PRSS23: variants seen among roughly 807,000 people sequenced by gnomAD.
The protein encoded by PRSS23 is protease, serine 23.
Under a neutral mutation model 34.7 loss-of-function variants are expected in PRSS23, and 25 were observed. The observed-to-expected ratio is 0.72, with a 90% CI of 0.53 to 1.01. PRSS23 has a LOEUF of 1.01. Ranked by LOEUF, PRSS23 falls within the 50% of genes least tolerant of loss-of-function variation. The pLI is 0.00. For synonymous variants in PRSS23, 176 were observed against 186.6 expected (o/e 0.94, Z 0.46); for missense variants, 445 against 475.6 (o/e 0.94, Z 0.60).
chr11:86,858,708 C>A (rs1948590863), intron 2 of PRSS23, among the ~76,000 whole-genome samples: 1 of 151,274 alleles, frequency 6.6e-6, no homozygotes, highest in African/African-American at 2.4e-5. Flanking sequence ...CTCCCAATAT[C>A]ACAGGGGGTG....
intron 2 of PRSS23, among the ~76,000 whole-genome samples, chr11:86,861,842 G>A (rs116948560): frequency 0.026 from 4,010 of 152,048 alleles, 69 homozygotes; most frequent in Middle Eastern, 0.048. Flanking sequence ...ATCCAGAGTG[G>A]GAGAGGATGA....
chr11:86,924,075 C>T (rs1949064199), intron 2 of PRSS23, among the ~76,000 whole-genome samples: 1 of 152,132 alleles, frequency 6.6e-6, no homozygotes, highest in African/African-American at 2.4e-5. Context: ...TGTAGGGAGG[C>T]TTCTAAGGAG....
chr11:86,871,381 G>C, intron 2 of PRSS23, among the ~76,000 whole-genome samples: 1 of 152,162 alleles, frequency 6.6e-6, no homozygotes, highest in South Asian at 2.1e-4. Flanking sequence ...CAGCTCACCA[G>C]GAACTCTTCT....
chr11:86,832,719 A>G, intron 2 of PRSS23: 1 of 310,784 alleles, frequency 3.2e-6, no homozygotes, highest in Admixed American at 4.0e-5. Flanking sequence ...CAAACAACTG[A>G]CAGGGGAGAC....
chr11:86,888,775 A>G (rs1188219687), intron 2 of PRSS23, among the ~76,000 whole-genome samples: 1 of 152,238 alleles, frequency 6.6e-6, no homozygotes, highest in African/African-American at 2.4e-5. Flanking sequence ...GGGTGTTTGA[A>G]ACTGAGAAGG....
At chr11:86,799,133 G>T (rs560929928), upstream of PRSS23, among the ~76,000 whole-genome samples, 51 of 152,266 alleles carry the variant, frequency 3.3e-4, no homozygotes, top group African/African-American at 1.2e-3. Flanking sequence ...TGACTCACGC[G>T]TGTAATACTT....
At chr11:86,830,572 C>T (rs140885142) in intron 2 of PRSS23, among the ~76,000 whole-genome samples, 9,801 of 152,250 alleles carry the variant, frequency 0.064, 445 homozygotes, top group Non-Finnish European at 0.092. Flanking sequence ...AGAAATCACC[C>T]ATCTTCTGTG....
At chr11:86,879,354 C>A (rs1203349947) in intron 2 of PRSS23, among the ~76,000 whole-genome samples, 1 of 150,932 alleles carries the variant, frequency 6.6e-6, no homozygotes, top group Non-Finnish European at 1.5e-5. Context: ...TGGCAACCGC[C>A]CCATATGAGA....
chr11:86,819,332 ATTATTAAT>A (rs1948236674), intron 1 of PRSS23, among the ~76,000 whole-genome samples: 1 of 152,238 alleles, frequency 6.6e-6, no homozygotes, highest in Admixed American at 6.5e-5. Context: ...TGCAAGATGC[ATTATTAAT>A]TCAAAACTTT....
upstream of PRSS23, chr11:86,800,422 A>G: frequency 1.4e-5 from 14 of 979,394 alleles, 1 homozygote; most frequent in Non-Finnish European, 1.7e-5. Flanking sequence ...GGCACGGTTT[A>G]TGTGCAGTGG....
chr11:86,879,603 C>A (rs1948755776), intron 2 of PRSS23, among the ~76,000 whole-genome samples: 1 of 139,218 alleles, frequency 7.2e-6, no homozygotes, highest in Non-Finnish European at 1.6e-5. Flanking sequence ...AGGGGCGCCT[C>A]TGCCCGGCCG....
At chr11:86,939,426 A>ATATATATATATATATATATATTTTTTT in intron 2 of PRSS23, among the ~76,000 whole-genome samples, 1 of 94,076 alleles carries the variant, frequency 1.1e-5, no homozygotes, top group East Asian at 3.0e-4. Context: ...ATATATATAT[A>ATATATATATATATATATATATTTTTTT]TTTTTTAACA....
At chr11:86,844,917 C>G (rs898701779) in intron 2 of PRSS23, among the ~76,000 whole-genome samples, 1 of 152,022 alleles carries the variant, frequency 6.6e-6, no homozygotes, top group African/African-American at 2.4e-5. Context: ...TGGAGAAACC[C>G]CATCTCTATT....
intron 2 of PRSS23, among the ~76,000 whole-genome samples, chr11:86,914,960 G>T (rs1441500416): frequency 6.6e-6 from 1 of 152,240 alleles, no homozygotes; most frequent in African/African-American, 2.4e-5. Context: ...GCTTTAGTGA[G>T]TGTATCAGGA....
In PRSS23 at chr11:86,908,169, C is replaced by T. The variant is rs182041482; in HGVS notation, c.207-43047C>T. Among the ~76,000 whole-genome samples, 93 of 152,244 alleles carry T rather than the reference C, an allele frequency of 6.1e-4. 1 individual carries two copies. Among genetic ancestry groups the T allele is most frequent in the African/African-American group, 1.7e-3 (70 of 41,548 alleles). Reference sequence around the variant, plus strand: ...CTATTGTGAATAATGCTGCAATGAACATGGGAGTGCAAGATCCTGATTTCA... The same window carrying T: ...CTATTGTGAATAATGCTGCAATGAATATGGGAGTGCAAGATCCTGATTTCA... On this transcript the variant is annotated intron_variant, in intron 2 of 2. Coordinates refer to the PRSS23 transcript ENST00000533902.
At chr11:86,863,219 A>G (rs2134936919) in intron 2 of PRSS23, among the ~76,000 whole-genome samples, 1 of 152,226 alleles carries the variant, frequency 6.6e-6, no homozygotes, top group Non-Finnish European at 1.5e-5. Context: ...CTCCTAATAT[A>G]ACAGTGGGTG....
At chr11:86,800,318 G>A (rs560850144), upstream of PRSS23, 497 of 413,026 alleles carry the variant, frequency 1.2e-3, 1 homozygote, top group Non-Finnish European at 1.5e-3. Context: ...CTGCTGCCGC[G>A]CCACCGGGGC....
intron 1 of PRSS23, 64 bp downstream of exon 1, chr11:86,800,715 C>T (rs1948025188): frequency 1.1e-6 from 1 of 914,552 alleles, no homozygotes; most frequent in Non-Finnish European, 1.3e-6. Flanking sequence ...CCGGGAGGAG[C>T]GGGACAAAGG....
intron 1 of PRSS23, among the ~76,000 whole-genome samples, chr11:86,804,279 A>C (rs1241427880): frequency 6.6e-6 from 1 of 152,238 alleles, no homozygotes. Context: ...ATATTTTAAA[A>C]ATATCTAAGC....
Sources: gnomAD v4.1 joint callset for allele counts (sites outside exome capture counted in the v4.1 genomes callset) on GRCh38, gnomAD v4.1.1 for gene constraint, MANE v1.5 for transcripts, NCBI Gene and HGNC (gene_info 2026-07-23, HGNC 2026-07-21) for gene names.